Variants in COL14A1 observed in about 807,000 individuals in gnomAD.
COL14A1 encodes the protein collagen alpha-1(XIV) chain.
In COL14A1, 136 loss-of-function variants were observed where a neutral mutation model predicts 230.3. The observed-to-expected ratio is 0.59, with a 90% CI of 0.51 to 0.68. The LOEUF (loss-of-function observed/expected upper bound fraction) is 0.68, where lower values mean the gene tolerates loss of function less well. COL14A1 is among the 30% of genes least tolerant of loss of function. The pLI, the probability that COL14A1 is intolerant of heterozygous loss-of-function variation, is 0.00. For missense variants in COL14A1, 1,976 were observed against 2,215.8 expected, an observed-to-expected ratio of 0.89 and a Z score of 2.17; for synonymous variants, 792 against 784.1, an observed-to-expected ratio of 1.01 and a Z score of -0.17.
chr8:120,141,050 G>A (rs945575782), intron 1 of COL14A1, among the ~76,000 whole-genome samples: 5 of 152,108 alleles, frequency 3.3e-5, no homozygotes, highest in African/African-American at 1.2e-4. Context: ...CAGGCTTTGG[G>A]GCAAAGTTTT....
Position 120,255,256 on chromosome 8 carries a change from C to G in COL14A1, c.2769C>G (p.Thr923=). The change falls in exon 23 of 48, where the codon ACC becomes ACG. Residue 923 remains threonine (T), a synonymous_variant. Transcript: ENST00000297848. ...TCATTCCAGTGTTCTTGGGTGTTAC[C>G]AATCTCCAAGCCAAACATGTTGAAA... The part of the protein sequence containing the change: ...GMVKTLFLGV[T]NLQAKHVEMT... The G allele has an allele frequency of 6.2e-7, 1 of 1,613,834 alleles. No individual in the cohort carries two copies. Among genetic ancestry groups the G allele is most frequent in the South Asian group, 1.1e-5 (1 of 91,076 alleles).
At chr8:120,181,602 G>C (rs1222454491) in intron 5 of COL14A1, among the ~76,000 whole-genome samples, 1 of 152,136 alleles carries the variant, frequency 6.6e-6, no homozygotes, top group African/African-American at 2.4e-5. Context: ...ATTTCATGAA[G>C]AGGTGATTAG....
At chr8:120,332,035 C>A in intron 40 of COL14A1, 106 bp from the exon 41 acceptor site, 1 of 923,680 alleles carries the variant, frequency 1.1e-6, no homozygotes, top group South Asian at 1.4e-5. Flanking sequence ...TAGTCCAGAG[C>A]AAGCAGCAGG....
At chr8:120,310,669 G>A (rs1262829212) in intron 37 of COL14A1, among the ~76,000 whole-genome samples, 2 of 152,198 alleles carry the variant, frequency 1.3e-5, no homozygotes, top group Non-Finnish European at 2.9e-5. Context: ...TGGAGTTCAG[G>A]CCTCACCATC....
chr8:120,192,899 G>A (rs916985617), intron 5 of COL14A1, among the ~76,000 whole-genome samples: 5 of 152,112 alleles, frequency 3.3e-5, no homozygotes, highest in Non-Finnish European at 5.9e-5. Context: ...AGCTCCATCA[G>A]CTCCTTTAAG....
At chr8:120,256,135 T>A in intron 23 of COL14A1, among the ~76,000 whole-genome samples, 1 of 152,224 alleles carries the variant, frequency 6.6e-6, no homozygotes, top group East Asian at 1.9e-4. Context: ...TATGGGATTA[T>A]AGGAGATGCT....
At chr8:120,367,349 T>C in intron 46 of COL14A1, 101 bp downstream of exon 46, 1 of 912,722 alleles carries the variant, frequency 1.1e-6, no homozygotes, top group Non-Finnish European at 1.7e-6. Context: ...AGTATGTAAC[T>C]TAAATGGCTG....
At position 120,334,543 on chromosome 8, in the gene COL14A1, CAT is replaced by C. The variant is rs1438294578; in HGVS notation, c.4785+1809_4785+1810del. On this transcript the variant is annotated intron_variant, in intron 42 of 47. Transcript: ENST00000297848. ...ACCTAGAAACATATACTGAAACCCA[CAT>C]GTGTGAACACATGAAAAAATGCATG... Among the ~76,000 whole-genome samples, 6 of 150,656 alleles carry C rather than the reference CAT, an allele frequency of 4.0e-5. No individual in the cohort carries two copies. In the East Asian group the frequency reaches 1.2e-3, roughly 30 times the overall value.
At chr8:120,144,824 A>G (rs1257431671) in intron 1 of COL14A1, among the ~76,000 whole-genome samples, 1 of 152,190 alleles carries the variant, frequency 6.6e-6, no homozygotes, top group Admixed American at 6.5e-5. Flanking sequence ...TGTTGGAAAG[A>G]GTCCATTAAT....
intron 40 of COL14A1, among the ~76,000 whole-genome samples, chr8:120,329,405 G>A (rs184267907): frequency 2.0e-5 from 3 of 152,208 alleles, no homozygotes; most frequent in Non-Finnish European, 4.4e-5. Flanking sequence ...CTAGGAGTCC[G>A]AGACCAGCCT....
chr8:120,368,917 A>G (rs1823496190), intron 46 of COL14A1, among the ~76,000 whole-genome samples: 1 of 152,162 alleles, frequency 6.6e-6, no homozygotes, highest in African/African-American at 2.4e-5. Context: ...TATTCTAACT[A>G]GATGATGAGG....
chr8:120,178,268 T>C (rs1355180059), intron 5 of COL14A1, among the ~76,000 whole-genome samples: 1 of 152,114 alleles, frequency 6.6e-6, no homozygotes, highest in African/African-American at 2.4e-5. Context: ...GATGTTCCCC[T>C]TCCTATGTCC....
At position 120,231,834 on chromosome 8, in the gene COL14A1, A is replaced by T. The variant is rs1229787496; in HGVS notation, c.2349+216A>T. The stretch of plus-strand genomic sequence containing the variant: ...TCCATGTACAACTTGCTCCAAGTTA[A>T]TAACCTCTGAACATTGTTTCAAATA... On this transcript the variant is annotated intron_variant, in intron 19 of 47. Transcript: ENST00000297848. 4 of 502,898 alleles carry T rather than the reference A, an allele frequency of 8.0e-6. No individual in the cohort carries two copies. The East Asian group carries it at 9.7e-5, about 12-fold the overall frequency. The allele number at this position is 502,898 out of a possible 1,614,324, so 31.2% of individuals were successfully genotyped here.
intron 19 of COL14A1, among the ~76,000 whole-genome samples, chr8:120,241,638 C>G (rs1468113643): frequency 6.6e-6 from 1 of 152,036 alleles, no homozygotes; most frequent in Non-Finnish European, 1.5e-5. Context: ...TTTGCTTTGT[C>G]TAAACAAGCA....
At chr8:120,218,027 TATAA>T (rs1244820403) in intron 14 of COL14A1, among the ~76,000 whole-genome samples, 3 of 142,074 alleles carry the variant, frequency 2.1e-5, no homozygotes, top group East Asian at 2.0e-4. Context: ...ATATTATAAA[TATAA>T]ATAAATATAT....
intron 14 of COL14A1, among the ~76,000 whole-genome samples, chr8:120,219,921 AT>A (rs1817876256): frequency 6.6e-6 from 1 of 152,112 alleles, no homozygotes; most frequent in Non-Finnish European, 1.5e-5. Flanking sequence ...ATTTGAGAAA[AT>A]TTTGAGTAAA....
intron 45 of COL14A1, among the ~76,000 whole-genome samples, chr8:120,362,465 G>A (rs1299202053): frequency 6.6e-6 from 1 of 152,170 alleles, no homozygotes; most frequent in Non-Finnish European, 1.5e-5. Flanking sequence ...TATTTCTTGA[G>A]TGCTTAATGT....
intron 45 of COL14A1, among the ~76,000 whole-genome samples, chr8:120,354,592 CATCT>C (rs1433850219): frequency 2.0e-5 from 3 of 152,076 alleles, no homozygotes; most frequent in Non-Finnish European, 4.4e-5. Context: ...ACTTTTGCTC[CATCT>C]GATTGTCTCT....
intron 1 of COL14A1, among the ~76,000 whole-genome samples, chr8:120,139,758 G>A (rs1814837779): frequency 6.6e-6 from 1 of 152,138 alleles, no homozygotes; most frequent in Non-Finnish European, 1.5e-5. Context: ...AAGTGCGGTG[G>A]CTCATGCCTA....
Sources: gnomAD v4.1 joint callset for allele counts (sites outside exome capture counted in the v4.1 genomes callset) on GRCh38, gnomAD v4.1.1 for gene constraint, MANE v1.5 for transcripts, NCBI Gene and HGNC (gene_info 2026-07-23, HGNC 2026-07-21) for gene names.